Variants in RELN observed in about 807,000 individuals in gnomAD.
The protein encoded by RELN is reelin.
A neutral mutation model predicts 427.6 loss-of-function variants in RELN; 108 were observed. That is an observed-to-expected ratio of 0.25 (90% CI 0.22 to 0.30). The LOEUF (loss-of-function observed/expected upper bound fraction) is 0.30, where lower values mean the gene tolerates loss of function less well. Among genes scored for constraint, RELN ranks in the 10% least tolerant of loss-of-function variants. The pLI, the probability that RELN is intolerant of heterozygous loss-of-function variation, is 1.00. For synonymous variants in RELN, 1,524 were observed against 1,513.4 expected (o/e 1.01, Z -0.16); for missense variants, 3,715 against 4,302.8 (o/e 0.86, Z 3.82).
chr7:103,688,574 T>G (rs559462213), intron 10 of RELN, among the ~76,000 whole-genome samples: 6 of 152,258 alleles, frequency 3.9e-5, no homozygotes, highest in African/African-American at 1.2e-4. Flanking sequence ...TAGATTTTTT[T>G]CATTAGCTTT....
chr7:103,544,273 C>A (rs1830239575), intron 42 of RELN, among the ~76,000 whole-genome samples: 1 of 115,258 alleles, frequency 8.7e-6, no homozygotes, highest in Admixed American at 1.3e-4. Flanking sequence ...GAGTCTCGCT[C>A]TGTCGCCCAG....
intron 6 of RELN, among the ~76,000 whole-genome samples, chr7:103,737,878 G>T (rs1354022175): frequency 6.6e-6 from 1 of 151,986 alleles, no homozygotes. Flanking sequence ...GTAAATTGTG[G>T]ACCTTTCTGT....
intron 2 of RELN, among the ~76,000 whole-genome samples, chr7:103,867,138 C>T (rs1037226600): frequency 5.3e-5 from 8 of 152,012 alleles, no homozygotes; most frequent in East Asian, 1.9e-4. Context: ...GCTGAATAAG[C>T]GACAGTTAAT....
rs879318763 is a variant in RELN, at chr7:103,479,057, C to T, written c.10281-663G>A. Among the ~76,000 whole-genome samples the T allele has an allele frequency of 1.5e-4, 23 of 152,220 alleles. 1 individual carries two copies. Among genetic ancestry groups the T allele is most frequent in the South Asian group, 4.1e-4 (2 of 4,826 alleles). On this transcript the variant is annotated intron_variant, in intron 63 of 64. Transcript: ENST00000428762. ...ATTCACTTTTTAGTAAATTCATTCA[C>T]GAAGGCTTTTTACTGAGCTTTCAAG...
Position 103,482,858 on chromosome 7 carries a change from G to GT in RELN, c.10280+14dup. 2 of 1,614,014 alleles carry GT rather than the reference G, an allele frequency of 1.2e-6. No homozygotes were observed. The highest frequency in any genetic ancestry group is 1.7e-6 in the Non-Finnish European group (2 of 1,179,898). On this transcript the variant is annotated intron_variant, in intron 63 of 64. Transcript: ENST00000428762. ...TCCTGAAATGGACATGGGATGCCAT[G>GT]TAATAGATACTCACAGGACGACCTC...
At chr7:103,664,879 TTGAC>T (rs1362000100) in intron 11 of RELN, among the ~76,000 whole-genome samples, 11 of 152,190 alleles carry the variant, frequency 7.2e-5, no homozygotes, top group Non-Finnish European at 1.6e-4. Flanking sequence ...TAATCTTTTC[TTGAC>T]TATCTGTATT....
chr7:103,494,365 T>TTGTGTG (rs58533286), intron 57 of RELN, among the ~76,000 whole-genome samples: 36 of 118,252 alleles, frequency 3.0e-4, no homozygotes, highest in Admixed American at 1.8e-3. Context: ...GTAATGACTT[T>TTGTGTG]TGTGTGTGTG....
At position 103,489,859 on chromosome 7, in the gene RELN, C is replaced by T. The variant is rs1444297965; in HGVS notation, c.9646G>A (p.Glu3216Lys). 6.2e-7 allele frequency: 1 copy of T among 1,614,190 alleles called. No homozygotes were observed. Among genetic ancestry groups the T allele is most frequent in the Non-Finnish European group, 8.5e-7 (1 of 1,180,038 alleles). ...FRWIQKGEET[E>K]KQSWAIDHVY... ...TGGTCAATTGCCCAGCTTTGCTTCTCAGTTTCTTCTCCCTTCTGGATCCAG... is the reference window on the plus strand; with the variant it reads ...TGGTCAATTGCCCAGCTTTGCTTCTTAGTTTCTTCTCCCTTCTGGATCCAG... The change falls in exon 60 of 65, where the codon GAG becomes AAG. Residue 3216 changes from glutamate (E) to lysine (K), a missense_variant. Coordinates refer to ENST00000428762, the MANE Select transcript of RELN (RefSeq NM_005045.4).
chr7:103,653,240 A>G (rs1386293762), intron 13 of RELN, among the ~76,000 whole-genome samples: 1 of 152,094 alleles, frequency 6.6e-6, no homozygotes, highest in Admixed American at 6.6e-5. Flanking sequence ...CTGATTTGAT[A>G]TGAGGCATGA....
At chr7:103,766,860 A>G (rs962189004) in intron 4 of RELN, among the ~76,000 whole-genome samples, 6 of 152,152 alleles carry the variant, frequency 3.9e-5, no homozygotes, top group Non-Finnish European at 8.8e-5. Flanking sequence ...TGTAAGCCTG[A>G]CCTCTTTCCT....
At chr7:103,587,575 C>T (rs1182392675) in intron 28 of RELN, among the ~76,000 whole-genome samples, 1 of 152,088 alleles carries the variant, frequency 6.6e-6, no homozygotes, top group Non-Finnish European at 1.5e-5. Flanking sequence ...AAATAACCTA[C>T]AGAGTAAAGA....
intron 1 of RELN, among the ~76,000 whole-genome samples, chr7:103,933,119 T>C (rs751404541): frequency 2.0e-5 from 3 of 152,088 alleles, no homozygotes; most frequent in Non-Finnish European, 2.9e-5. Context: ...GACACTGAAC[T>C]GGGAAGGACA....
intron 29 of RELN, 105 bp downstream of exon 29, chr7:103,575,443 A>G: frequency 7.8e-7 from 1 of 1,277,338 alleles, no homozygotes; most frequent in Admixed American, 1.7e-5. Flanking sequence ...AGACTTAAAG[A>G]GGAATAAATT....
chr7:103,646,316 A>T (rs1832796293), intron 16 of RELN, among the ~76,000 whole-genome samples: 1 of 151,912 alleles, frequency 6.6e-6, no homozygotes, highest in Non-Finnish European at 1.5e-5. Flanking sequence ...AATTCAAAGA[A>T]TCAACCATAT....
At chr7:103,616,640 A>G (rs1007269800) in intron 20 of RELN, among the ~76,000 whole-genome samples, 1 of 152,144 alleles carries the variant, frequency 6.6e-6, no homozygotes, top group African/African-American at 2.4e-5. Context: ...ATACTTCCAG[A>G]CAGTTTTTCT....
intron 2 of RELN, among the ~76,000 whole-genome samples, chr7:103,850,129 A>G (rs1324435448): frequency 6.6e-6 from 1 of 152,200 alleles, no homozygotes; most frequent in African/African-American, 2.4e-5. Context: ...TATCCACAAA[A>G]TATATCATAG....
chr7:103,546,101 C>T (rs1830290310), intron 41 of RELN, among the ~76,000 whole-genome samples: 1 of 152,222 alleles, frequency 6.6e-6, no homozygotes, highest in Non-Finnish European at 1.5e-5. Context: ...AGTTTCAAGA[C>T]ATTTTTATCA....
Position 103,662,750 on chromosome 7 carries a change from C to T in RELN, c.1290-1223G>A, listed in dbSNP as rs1703609024. ...ATTTGAATAGTACAGTGGAACAAAT[C>T]CATGGAGAGTTTGGAAAGAGGGGAG... On this transcript the variant is annotated intron_variant, in intron 11 of 64. Transcript: ENST00000428762. Among the ~76,000 whole-genome samples, 4 of 151,714 alleles carry T rather than the reference C, an allele frequency of 2.6e-5. No individual in the cohort carries two copies. In the South Asian group the frequency reaches 8.3e-4, roughly 32 times the overall value.
intron 2 of RELN, among the ~76,000 whole-genome samples, chr7:103,914,615 C>G (rs1795443283): frequency 6.6e-6 from 1 of 151,954 alleles, no homozygotes; most frequent in Admixed American, 6.6e-5. Flanking sequence ...CTTTAATTAT[C>G]AGGGCTACCC....
Sources: allele counts gnomAD v4.1 joint callset (sites outside exome capture counted in the v4.1 genomes callset), GRCh38; gene constraint gnomAD v4.1.1; transcripts MANE v1.5; gene names NCBI Gene and HGNC (gene_info 2026-07-23, HGNC 2026-07-21).